The following GNAQ variants were observed in gnomAD, a reference collection of about 807,000 sequenced individuals.
GNAQ encodes the protein guanine nucleotide-binding protein G(q) subunit alpha.
GNAQ carries 8 observed loss-of-function variants against 43.9 expected under a neutral mutation model. The ratio of observed to expected loss-of-function variants is 0.18; its 90% CI spans 0.11 to 0.33. The LOEUF (loss-of-function observed/expected upper bound fraction) is 0.33, where lower values mean the gene tolerates loss of function less well. Ranked by LOEUF, GNAQ falls within the 10% of genes least tolerant of loss-of-function variation. GNAQ has a pLI of 1.00. For synonymous variants in GNAQ, 155 were observed against 170.7 expected (o/e 0.91, Z 0.71); for missense variants, 158 against 450.8 (o/e 0.35, Z 5.88).
chr9:77,756,097 G>T (rs549875388), intron 5 of GNAQ, among the ~76,000 whole-genome samples: 2 of 152,338 alleles, frequency 1.3e-5, no homozygotes, highest in East Asian at 1.9e-4. Context: ...TGTGCTGGAT[G>T]CTTCCTGCCC....
intron 2 of GNAQ, among the ~76,000 whole-genome samples, chr9:77,879,719 G>C (rs1181937063): frequency 6.6e-6 from 1 of 152,214 alleles, no homozygotes; most frequent in Non-Finnish European, 1.5e-5. Flanking sequence ...CCTTTGCAAA[G>C]TACTGCAAAG....
intron 1 of GNAQ, among the ~76,000 whole-genome samples, chr9:78,018,953 C>G (rs993968497): frequency 3.3e-5 from 5 of 152,162 alleles, no homozygotes; most frequent in African/African-American, 1.2e-4. Context: ...GGTTTAGAAA[C>G]ATCCTCCCAC....
At chr9:77,932,537 T>C (rs1000276361) in intron 1 of GNAQ, among the ~76,000 whole-genome samples, 1 of 152,028 alleles carries the variant, frequency 6.6e-6, no homozygotes, top group African/African-American at 2.4e-5. Flanking sequence ...ACAAGAAAAT[T>C]AGAAGGAAAC....
chr9:78,030,568 T>C (rs1824039015), intron 1 of GNAQ: 1 of 470,158 alleles, frequency 2.1e-6, no homozygotes, highest in East Asian at 7.0e-5. Flanking sequence ...CCCCATTCCC[T>C]CCTGACCCCA....
chr9:77,994,924 A>G (rs775602442), intron 1 of GNAQ, among the ~76,000 whole-genome samples: 5 of 152,360 alleles, frequency 3.3e-5, no homozygotes, highest in Non-Finnish European at 5.9e-5. Flanking sequence ...CTAACATCTT[A>G]ATAGTAAAAA....
rs572542940 is a variant in GNAQ at position 77,844,437 on chromosome 9, C to T, written c.322-28667G>A. 9.9e-5 allele frequency among the ~76,000 whole-genome samples: 15 copies of T among 152,130 alleles called. No homozygotes were observed. In the South Asian group the frequency reaches 3.1e-3, roughly 32 times the overall value. On this transcript the variant is annotated intron_variant, in intron 2 of 6. Transcript: ENST00000286548. Reference sequence around the variant, plus strand: ...TTCTTTATATTATTTCTCTATATAACCAGAGACAAATGCATAGGAATAAAA... The same window carrying T: ...TTCTTTATATTATTTCTCTATATAATCAGAGACAAATGCATAGGAATAAAA...
At chr9:77,858,565 G>A (rs982866495) in intron 2 of GNAQ, among the ~76,000 whole-genome samples, 2 of 151,952 alleles carry the variant, frequency 1.3e-5, no homozygotes, top group Admixed American at 6.6e-5. Flanking sequence ...AAAAGCCTAC[G>A]TGTGGCTTCT....
At chr9:77,890,463 C>A in intron 2 of GNAQ, among the ~76,000 whole-genome samples, 1 of 152,174 alleles carries the variant, frequency 6.6e-6, no homozygotes, top group East Asian at 1.9e-4. Flanking sequence ...GTGGCTCATG[C>A]CTGTAATCCT....
At chr9:77,912,146 A>G (rs1037048821) in intron 2 of GNAQ, among the ~76,000 whole-genome samples, 8 of 152,234 alleles carry the variant, frequency 5.3e-5, no homozygotes, top group Admixed American at 6.5e-5. Flanking sequence ...GCTGCCCAAT[A>G]TTAAAACATT....
intron 5 of GNAQ, among the ~76,000 whole-genome samples, chr9:77,747,214 T>C (rs2118279914): frequency 6.6e-6 from 1 of 152,050 alleles, no homozygotes; most frequent in Non-Finnish European, 1.5e-5. Flanking sequence ...ATAATAAATA[T>C]ATTCTAAGAA....
At chr9:77,803,012 C>T (rs532668848) in intron 3 of GNAQ, among the ~76,000 whole-genome samples, 11 of 152,118 alleles carry the variant, frequency 7.2e-5, no homozygotes, top group Admixed American at 1.3e-4. Flanking sequence ...GTGGTCAGGG[C>T]CCACAAGTGC....
At chr9:77,722,895 C>T (rs962071605) in intron 6 of GNAQ, among the ~76,000 whole-genome samples, 3 of 151,862 alleles carry the variant, frequency 2.0e-5, no homozygotes, top group African/African-American at 7.3e-5. Flanking sequence ...CCTCCCACTT[C>T]AGCCTCCCAA....
chr9:77,804,780 C>G (rs900205049), intron 3 of GNAQ, among the ~76,000 whole-genome samples: 4 of 152,036 alleles, frequency 2.6e-5, no homozygotes, highest in African/African-American at 7.2e-5. Context: ...TTGCAGTTCA[C>G]GTCAAATATT....
At chr9:77,902,921 C>T (rs1828636411) in intron 2 of GNAQ, among the ~76,000 whole-genome samples, 1 of 152,146 alleles carries the variant, frequency 6.6e-6, no homozygotes, top group Non-Finnish European at 1.5e-5. Context: ...GGAGTTTCTG[C>T]TTTAACAATT....
At chr9:78,004,290 A>AG (rs922167357) in intron 1 of GNAQ, among the ~76,000 whole-genome samples, 6 of 151,972 alleles carry the variant, frequency 3.9e-5, no homozygotes, top group African/African-American at 1.2e-4. Flanking sequence ...AAAAAAAAAA[A>AG]AAAATTAATT....
intron 1 of GNAQ, among the ~76,000 whole-genome samples, chr9:78,027,414 T>C (rs1392692752): frequency 2.0e-5 from 3 of 152,182 alleles, no homozygotes; most frequent in African/African-American, 7.2e-5. Context: ...TGGGATTTAA[T>C]AGTGAGCAAA....
intron 3 of GNAQ, among the ~76,000 whole-genome samples, chr9:77,810,597 GA>G (rs1488367514): frequency 2.6e-5 from 4 of 152,074 alleles, no homozygotes; most frequent in Non-Finnish European, 5.9e-5. Context: ...ACAACAGCAG[GA>G]AAAAAGACTT....
chr9:77,772,510 C>T lies in GNAQ; in HGVS notation c.735+21953G>A, dbSNP rs1047401793. Among the ~76,000 whole-genome samples the T allele has an allele frequency of 4.6e-5, 7 of 152,126 alleles. No individual in the cohort carries two copies. In the East Asian group the frequency reaches 5.8e-4, roughly 13 times the overall value. On this transcript the variant is annotated intron_variant, in intron 5 of 6. Coordinates refer to ENST00000286548, the MANE Select transcript of GNAQ (RefSeq NM_002072.5). ...ACAAACCTAGTACTACATCCCCTTT[C>T]GGTGGGATTTTCCATTTTGGAGTGG... is the stretch of plus-strand genomic sequence containing the variant.
At chr9:77,982,004 A>C (rs1823374123) in intron 1 of GNAQ, among the ~76,000 whole-genome samples, 1 of 152,172 alleles carries the variant, frequency 6.6e-6, no homozygotes, top group African/African-American at 2.4e-5. Context: ...CTGAGGTAGA[A>C]AAGTCTCTTG....
Sources: allele counts gnomAD v4.1 joint callset (sites outside exome capture counted in the v4.1 genomes callset), GRCh38; gene constraint gnomAD v4.1.1; transcripts MANE v1.5; gene names NCBI Gene and HGNC (gene_info 2026-07-23, HGNC 2026-07-21).